Variants in PRKN observed in about 807,000 individuals in gnomAD.
The protein encoded by PRKN is parkin RBR E3 ubiquitin protein ligase.
Under a neutral mutation model 59.5 loss-of-function variants are expected in PRKN, and 56 were observed. That is an observed-to-expected ratio of 0.94 (90% CI 0.76 to 1.18). PRKN has a LOEUF of 1.18. Among genes scored for constraint, PRKN ranks in the 50% most tolerant of loss-of-function variants. The pLI is 0.00. For synonymous variants in PRKN, 250 were observed against 222.1 expected (o/e 1.13, Z -1.12); for missense variants, 657 against 596.4 (o/e 1.10, Z -1.06).
chr6:162,467,471 T>C (rs1252057068), intron 1 of PRKN, among the ~76,000 whole-genome samples: 1 of 152,140 alleles, frequency 6.6e-6, no homozygotes, highest in African/African-American at 2.4e-5. Flanking sequence ...AATGAATAGC[T>C]CATGATAAAA....
At chr6:161,832,600 G>A (rs1037691845) in intron 6 of PRKN, among the ~76,000 whole-genome samples, 10 of 146,380 alleles carry the variant, frequency 6.8e-5, no homozygotes, top group African/African-American at 2.5e-4. Context: ...CTCCAGCCTG[G>A]GCAACAGAGT....
chr6:161,763,154 A>G (rs1392271661), intron 7 of PRKN, among the ~76,000 whole-genome samples: 3 of 152,152 alleles, frequency 2.0e-5, no homozygotes, highest in Non-Finnish European at 2.9e-5. Flanking sequence ...CCTGGACTGA[A>G]GTTTGAATCA....
intron 1 of PRKN, among the ~76,000 whole-genome samples, chr6:162,520,242 A>G (rs1010996134): frequency 6.6e-6 from 1 of 152,206 alleles, no homozygotes; most frequent in South Asian, 2.1e-4. Flanking sequence ...ACTGGCTACT[A>G]TTTTAGTTTA....
At chr6:162,268,395 C>T (rs1780228258) in intron 2 of PRKN, among the ~76,000 whole-genome samples, 1 of 152,158 alleles carries the variant, frequency 6.6e-6, no homozygotes, top group Admixed American at 6.6e-5. Flanking sequence ...AGTGAAGACA[C>T]AACAAGAAGG....
chr6:162,225,299 C>A (rs1384657854), intron 3 of PRKN, among the ~76,000 whole-genome samples: 1 of 152,136 alleles, frequency 6.6e-6, no homozygotes, highest in Admixed American at 6.5e-5. Context: ...CCAAGCACCT[C>A]CCGAAGTTCC....
intron 6 of PRKN, among the ~76,000 whole-genome samples, chr6:161,808,576 C>A (rs1791432216): frequency 6.6e-6 from 1 of 151,994 alleles, no homozygotes; most frequent in South Asian, 2.1e-4. Flanking sequence ...AAAGGGTGTT[C>A]TTAATATTAT....
intron 2 of PRKN, among the ~76,000 whole-genome samples, chr6:162,402,819 T>C (rs1015294945): frequency 2.6e-5 from 4 of 152,022 alleles, no homozygotes; most frequent in African/African-American, 9.7e-5. Flanking sequence ...ATCTGAGTGA[T>C]TGTTTTTTAG....
At chr6:162,195,324 T>A (rs191865404) in intron 4 of PRKN, among the ~76,000 whole-genome samples, 1 of 152,252 alleles carries the variant, frequency 6.6e-6, no homozygotes, top group East Asian at 1.9e-4. Context: ...AAACACCCCA[T>A]GTGAAAACTA....
rs571904443 is a variant in PRKN at position 161,348,818 on chromosome 6, G to A, written c.*1281C>T. The A allele has an allele frequency of 3.7e-4, 77 of 209,538 alleles. No homozygotes were observed. Among genetic ancestry groups the A allele is most frequent in the Admixed American group, 2.4e-4 (4 of 16,948 alleles). 13.0% of individuals were successfully genotyped at this position (209,538 alleles called of 1,614,324 possible). ...ATAGTGGTTGTACTTTCTCTTCTGCGTAGTGTGGGTAAGAGCATGCGGTTT... is the reference window on the plus strand; with the variant it reads ...ATAGTGGTTGTACTTTCTCTTCTGCATAGTGTGGGTAAGAGCATGCGGTTT... On this transcript the variant is annotated 3_prime_UTR_variant, in exon 12 of 12. Transcript: ENST00000366898. This position sits in a 1 kb window ranked among gnomAD's most constrained non-coding sequence, Gnocchi z 4.9.
chr6:162,406,057 T>G (rs1788052709), intron 2 of PRKN, among the ~76,000 whole-genome samples: 1 of 152,204 alleles, frequency 6.6e-6, no homozygotes, highest in South Asian at 2.1e-4. Flanking sequence ...GAGCATCATT[T>G]TTCCCTAGGT....
chr6:162,195,420 C>T (rs1404222921), intron 4 of PRKN, among the ~76,000 whole-genome samples: 1 of 152,208 alleles, frequency 6.6e-6, no homozygotes, highest in Non-Finnish European at 1.5e-5. Context: ...TAAGAAGACT[C>T]CTGGCCAACA....
intron 1 of PRKN, among the ~76,000 whole-genome samples, chr6:162,580,303 T>C (rs1780738071): frequency 6.6e-6 from 1 of 151,800 alleles, no homozygotes; most frequent in Non-Finnish European, 1.5e-5. Context: ...CCAGGTGTGG[T>C]GGTGCATGCC....
chr6:161,462,467 G>A lies in PRKN; in HGVS notation c.1084-75590C>T, dbSNP rs899432092. Among the ~76,000 whole-genome samples, 1 of 152,064 alleles carries A rather than the reference G, an allele frequency of 6.6e-6. No homozygotes were observed. The highest frequency in any genetic ancestry group is 2.1e-4 in the South Asian group (1 of 4,816). Reference sequence around the variant, plus strand: ...TAATGACTAGCTAAATTAGTTATATGGCCCAAAGCAAAGATAAGATGGTTA... The same window carrying A: ...TAATGACTAGCTAAATTAGTTATATAGCCCAAAGCAAAGATAAGATGGTTA... On this transcript the variant is annotated intron_variant, in intron 9 of 11. Transcript: ENST00000366898. This position sits in a 1 kb window ranked among gnomAD's most constrained non-coding sequence, Gnocchi z 4.5.
intron 9 of PRKN, among the ~76,000 whole-genome samples, chr6:161,531,408 G>A (rs938224614): frequency 5.3e-5 from 8 of 151,542 alleles, no homozygotes; most frequent in Non-Finnish European, 7.4e-5. Context: ...TTAATTGTGC[G>A]AACGCCACCC....
chr6:162,715,317 T>C (rs974415792), intron 1 of PRKN, among the ~76,000 whole-genome samples: 8 of 152,192 alleles, frequency 5.3e-5, no homozygotes, highest in African/African-American at 1.9e-4. Flanking sequence ...AACAATTATT[T>C]ATTAAGTATG....
chr6:161,812,323 A>G (rs1791597540), intron 6 of PRKN, among the ~76,000 whole-genome samples: 2 of 152,140 alleles, frequency 1.3e-5, no homozygotes, highest in African/African-American at 4.8e-5. Context: ...CCTTTAGGCC[A>G]GAAGTTTGAG....
Position 161,569,432 on chromosome 6 carries a change from A to G in PRKN, c.872-16T>C, listed in dbSNP as rs777746653. The G allele has an allele frequency of 3.1e-6, 5 of 1,609,146 alleles. No individual in the cohort carries two copies. The highest frequency in any genetic ancestry group is 1.7e-5 in the Admixed American group (1 of 60,024). Reference sequence around the variant, plus strand: ...GGACAGCCAGCTGTTGGAAAGAAGAATTAATCACAAAAACGTCACTTTCAC... The same window carrying G: ...GGACAGCCAGCTGTTGGAAAGAAGAGTTAATCACAAAAACGTCACTTTCAC... On this transcript the variant is annotated splice_polypyrimidine_tract_variant and intron_variant, in intron 7 of 11. Transcript: ENST00000366898.
At chr6:162,109,196 G>A (rs1780317811) in intron 4 of PRKN, among the ~76,000 whole-genome samples, 1 of 152,198 alleles carries the variant, frequency 6.6e-6, no homozygotes, top group African/African-American at 2.4e-5. Flanking sequence ...GCTGCTTCCA[G>A]CCCAGCCCTA....
intron 2 of PRKN, among the ~76,000 whole-genome samples, chr6:162,357,069 G>A (rs1056143982): frequency 5.3e-5 from 8 of 152,084 alleles, no homozygotes; most frequent in Non-Finnish European, 1.5e-5. Flanking sequence ...GTTTGCTGGT[G>A]ATTTTTTACA....
Sources: allele counts gnomAD v4.1 joint callset (sites outside exome capture counted in the v4.1 genomes callset), GRCh38; gene constraint gnomAD v4.1.1; non-coding constraint Gnocchi (gnomAD v3.1); transcripts MANE v1.5; gene names NCBI Gene and HGNC (gene_info 2026-07-23, HGNC 2026-07-21).